Variants in SPAG9 observed in about 807,000 individuals in gnomAD.
SPAG9 encodes the protein C-Jun-amino-terminal kinase-interacting protein 4.
Under a neutral mutation model 166.5 loss-of-function variants are expected in SPAG9, and 35 were observed. That is an observed-to-expected ratio of 0.21 (90% CI 0.16 to 0.28). SPAG9 has a LOEUF of 0.28. SPAG9 is among the 10% of genes least tolerant of loss of function. SPAG9 has a pLI of 1.00. For synonymous variants in SPAG9, 534 were observed against 565.5 expected, an observed-to-expected ratio of 0.94 and a Z score of 0.79; for missense variants, 1,235 against 1,603.3, an observed-to-expected ratio of 0.77 and a Z score of 3.92.
At position 51,107,942 on chromosome 17, in the gene SPAG9, T is replaced by C. The variant is rs146836940; in HGVS notation, c.303+12412A>G. Among the ~76,000 whole-genome samples, 1,234 of 150,834 alleles carry C rather than the reference T, an allele frequency of 8.2e-3. 9 individuals are homozygous for C. The highest frequency in any genetic ancestry group is 0.012 in the Non-Finnish European group (830 of 67,708). ...AAAAAAAAAGGGAGGGGGGCAGTAA[T>C]AGAATCCAGAATCATAAAAATTCCA... On this transcript the variant is annotated intron_variant, in intron 1 of 29. Transcript: ENST00000262013.
chr17:51,076,121 A>G (rs1262093024), intron 2 of SPAG9, among the ~76,000 whole-genome samples: 1 of 151,752 alleles, frequency 6.6e-6, no homozygotes, highest in Non-Finnish European at 1.5e-5. Flanking sequence ...AAAAAGAAAA[A>G]GAAAAAAAAT....
chr17:51,023,428 T>C, intron 6 of SPAG9: 1 of 218,728 alleles, frequency 4.6e-6, no homozygotes, highest in Non-Finnish European at 9.7e-6. Flanking sequence ...AGATCCACCT[T>C]GGCTAACATC....
intron 19 of SPAG9, among the ~76,000 whole-genome samples, chr17:50,991,547 T>C (rs1975550589): frequency 6.6e-6 from 1 of 152,074 alleles, no homozygotes; most frequent in Non-Finnish European, 1.5e-5. Context: ...ACTTTAACCA[T>C]TTAAAAGTGT....
intron 2 of SPAG9, among the ~76,000 whole-genome samples, chr17:51,061,612 C>A (rs1237241070): frequency 9.5e-5 from 3 of 31,724 alleles, no homozygotes; most frequent in South Asian, 1.8e-3. Context: ...GCTCTGTCTC[C>A]AAAAAAAAAA....
chr17:51,118,910 T>C (rs1304043050), intron 1 of SPAG9, among the ~76,000 whole-genome samples: 1 of 150,718 alleles, frequency 6.6e-6, no homozygotes, highest in Admixed American at 6.6e-5. Context: ...GAGCGGGGAG[T>C]GTTGTCCTAG....
At chr17:51,043,617 C>T (rs1271457143) in intron 4 of SPAG9, among the ~76,000 whole-genome samples, 11 of 152,102 alleles carry the variant, frequency 7.2e-5, no homozygotes, top group Admixed American at 7.2e-4. Flanking sequence ...ATTTTGTGAA[C>T]CGAAAATCCA....
intron 1 of SPAG9, among the ~76,000 whole-genome samples, chr17:51,089,661 T>TATATATATATTTATATAC (rs1426675943): frequency 1.0e-5 from 1 of 97,932 alleles, no homozygotes; most frequent in African/African-American, 4.0e-5. Context: ...TATATATATA[T>TATATATATATTTATATAC]ATACACATAC....
intron 5 of SPAG9, chr17:51,040,371 T>C (rs1180426384): frequency 6.6e-6 from 1 of 152,188 alleles, no homozygotes; most frequent in East Asian, 1.9e-4. Context: ...GTAACCCCTA[T>C]TGTTAAAAAT....
chr17:51,007,269 T>C lies in SPAG9; in HGVS notation c.1271A>G (p.Lys424Arg). 1.3e-6 allele frequency: 2 copies of C among 1,554,238 alleles called. No homozygotes were observed. Among genetic ancestry groups the C allele is most frequent in the Non-Finnish European group, 1.8e-6 (2 of 1,136,108 alleles). Residue 424 changes from lysine to arginine, a missense_variant and splice_region_variant, in exon 10 of 30, where the codon AAA becomes AGA. Lys to Arg is a conservative substitution (Grantham distance 26, BLOSUM62 2). This residue lies in a region of SPAG9 where 125 missense variants were observed against 194.0 expected (regional missense o/e 0.64). Coordinates refer to ENST00000262013, the MANE Select transcript of SPAG9 (RefSeq NM_001130528.3). ...ILENTQLLET[K>R]NALNIVKNDL... ...CTGTTAAAATTTCACATATACTTAC[T>C]TGGTTTCCAACAGTTGTGTATTTTC...
chr17:51,040,115 T>C (rs1598062339), intron 5 of SPAG9, among the ~76,000 whole-genome samples: 1 of 152,038 alleles, frequency 6.6e-6, no homozygotes, highest in East Asian at 1.9e-4. Flanking sequence ...GGTGCTGTAA[T>C]CCCAGCTACT....
chr17:51,098,569 T>C (rs965994847), intron 1 of SPAG9, among the ~76,000 whole-genome samples: 4 of 151,704 alleles, frequency 2.6e-5, no homozygotes, highest in African/African-American at 9.7e-5. Flanking sequence ...CTCGGCTCAC[T>C]GCAACGTCTG....
In SPAG9 at chr17:51,014,322, A is replaced by T; in HGVS notation, c.1123T>A (p.Phe375Ile). 6.2e-7 allele frequency: 1 copy of T among 1,613,744 alleles called. No homozygotes were observed. The highest frequency in any genetic ancestry group is 8.5e-7 in the Non-Finnish European group (1 of 1,179,758). Residue 375 changes from phenylalanine to isoleucine, a missense_variant, in exon 9 of 30, where the codon TTT becomes ATT. Around this residue, in one of 6 missense-constraint regions of SPAG9, gnomAD observed 288 missense variants for 323.7 expected, o/e 0.89. Coordinates refer to ENST00000262013, the MANE Select transcript of SPAG9 (RefSeq NM_001130528.3). ...TPTKGIENKA[F>I]DRNTESLFEE... ...AAGAGAGATTCTGTATTGCGATCAA[A>T]AGCTTTGTTCTCTATGCCTTTGGTG...
chr17:50,977,672 T>A (rs1974299360), intron 26 of SPAG9, among the ~76,000 whole-genome samples: 1 of 152,154 alleles, frequency 6.6e-6, no homozygotes, highest in Non-Finnish European at 1.5e-5. Context: ...GGATGACTGC[T>A]TGATCCCAGG....
chr17:51,020,648 A>G (rs780584414), intron 7 of SPAG9, among the ~76,000 whole-genome samples: 35 of 152,166 alleles, frequency 2.3e-4, no homozygotes, highest in Non-Finnish European at 3.7e-4. Flanking sequence ...CCTGGCCCCA[A>G]TAGTTTCTCT....
chr17:51,106,904 C>A (rs1440627668), intron 1 of SPAG9, among the ~76,000 whole-genome samples: 1 of 151,752 alleles, frequency 6.6e-6, no homozygotes, highest in African/African-American at 2.4e-5. Context: ...GAGTTCAAGA[C>A]CAGCCTGGCT....
intron 1 of SPAG9, among the ~76,000 whole-genome samples, chr17:51,098,065 C>A (rs1034633367): frequency 1.3e-5 from 2 of 152,180 alleles, no homozygotes; most frequent in South Asian, 4.1e-4. Flanking sequence ...CTCAAGCAAT[C>A]CACCTGCCTC....
In SPAG9 at chr17:51,002,740, G is replaced by C. The variant is rs891589136; in HGVS notation, c.1477-895C>G. On this transcript the variant is annotated intron_variant, in intron 12 of 29. Coordinates refer to ENST00000262013, the MANE Select transcript of SPAG9 (RefSeq NM_001130528.3). ...CCACTGCAGTCCAACCTGGGCAAGA[G>C]AGTGCAATCCTGTCTTTAAAAAACA... Among the ~76,000 whole-genome samples, 5 of 152,052 alleles carry C rather than the reference G, an allele frequency of 3.3e-5. No individual in the cohort carries two copies. In the South Asian group the frequency reaches 8.3e-4, roughly 25 times the overall value.
Position 51,025,469 on chromosome 17 carries a change from TAA to T in SPAG9, c.784-4106_784-4105del, listed in dbSNP as rs11339659. On this transcript the variant is annotated intron_variant, in intron 6 of 29. Transcript: ENST00000262013. Reference sequence around the variant, plus strand: ...AGTCAAAAAGACTGACAGTATTAATTAAAAAAAAAAAAAACTGACAGTATTTA... The same window carrying T: ...AGTCAAAAAGACTGACAGTATTAATTAAAAAAAAAAAACTGACAGTATTTA... 2.6e-4 allele frequency among the ~76,000 whole-genome samples: 38 copies of T among 144,942 alleles called. No individual in the cohort carries two copies. The South Asian group carries it at 3.1e-3, about 12-fold the overall frequency.
At chr17:50,990,869 C>G (rs1225822411) in intron 19 of SPAG9, 2 of 542,020 alleles carry the variant, frequency 3.7e-6, no homozygotes. Flanking sequence ...CTTCTATTAA[C>G]ACAAGTGCAA....
Sources: allele counts gnomAD v4.1 joint callset (sites outside exome capture counted in the v4.1 genomes callset), GRCh38; gene constraint gnomAD v4.1.1; regional missense constraint gnomAD v4.1.1; transcripts MANE v1.5; gene names NCBI Gene and HGNC (gene_info 2026-07-23, HGNC 2026-07-21).